PCM1: variants seen among roughly 807,000 people sequenced by gnomAD.
PCM1 encodes the protein pericentriolar material 1.
In PCM1, 157 loss-of-function variants were observed where a neutral mutation model predicts 241.9. That is an observed-to-expected ratio of 0.65 (90% CI 0.57 to 0.74). The LOEUF (loss-of-function observed/expected upper bound fraction) is 0.74, where lower values mean the gene tolerates loss of function less well. PCM1 is among the 30% of genes least tolerant of loss of function. The pLI is 0.00. For missense variants in PCM1, 3,478 were observed against 2,360.1 expected, an observed-to-expected ratio of 1.47 and a Z score of -9.81; for synonymous variants, 1,085 against 784.9, an observed-to-expected ratio of 1.38 and a Z score of -6.39.
In PCM1 at chr8:17,939,752, A is replaced by G. The variant is rs1348083006; in HGVS notation, c.674A>G (p.Asp225Gly). The G allele has an allele frequency of 6.4e-7, 1 of 1,559,142 alleles. No individual in the cohort carries two copies. Among genetic ancestry groups the G allele is most frequent in the Non-Finnish European group, 8.7e-7 (1 of 1,148,028 alleles). The change falls in exon 6 of 39, where the codon GAT (aspartate) becomes GGT (glycine). Residue 225 changes from aspartate to glycine, a missense_variant. Asp to Gly is a moderately conservative substitution (Grantham distance 94, BLOSUM62 -1). Transcript: ENST00000325083. ...YITKASSMRE[D>G]LVEKNERSAN... ...ACTAAAGCTAGTTCCATGCGGGAAG[A>G]TCTTGTAGAGAAAAATGAGAGATCT...
intron 20 of PCM1, among the ~76,000 whole-genome samples, chr8:17,966,719 C>G (rs901605954): frequency 1.3e-5 from 2 of 152,084 alleles, no homozygotes; most frequent in African/African-American, 2.4e-5. Flanking sequence ...GTAAATTGTA[C>G]CACAGTGAAG....
rs769985313 is a variant in PCM1, at chr8:17,938,671, A to G, written c.343-69A>G. 8.1e-5 allele frequency: 91 copies of G among 1,120,988 alleles called. No individual in the cohort carries two copies. In the Admixed American group the frequency reaches 9.8e-4, roughly 12 times the overall value. The allele number at this position is 1,120,988 out of a possible 1,614,324, so 69.4% of individuals were successfully genotyped here. ...AATATCTGATGGCGAAACTAAGAAC[A>G]TTGGGGTTAAAACAAAATTTTGTCA... On this transcript the variant is annotated intron_variant, in intron 4 of 38. Coordinates refer to ENST00000325083, the MANE Select transcript of PCM1 (RefSeq NM_006197.4).
At chr8:17,951,167 G>T (rs1044235927) in intron 8 of PCM1, among the ~76,000 whole-genome samples, 1 of 152,172 alleles carries the variant, frequency 6.6e-6, no homozygotes, top group South Asian at 2.1e-4. Flanking sequence ...TTTTAAGAAA[G>T]TTCTTAATTT....
intron 8 of PCM1, among the ~76,000 whole-genome samples, chr8:17,952,548 TAACAC>T (rs1265246048): frequency 2.0e-5 from 3 of 152,100 alleles, no homozygotes; most frequent in African/African-American, 4.8e-5. Context: ...GGGGGAGAAA[TAACAC>T]AACAATTTTT....
intron 29 of PCM1, among the ~76,000 whole-genome samples, chr8:18,002,052 A>T (rs1393213764): frequency 1.4e-4 from 3 of 21,806 alleles, no homozygotes; most frequent in African/African-American, 4.0e-4. Context: ...AGATCTGTTA[A>T]ATTTTTTTTT....
At chr8:18,005,430 C>G (rs1379032862) in intron 29 of PCM1, among the ~76,000 whole-genome samples, 1 of 150,996 alleles carries the variant, frequency 6.6e-6, no homozygotes, top group Non-Finnish European at 1.5e-5. Context: ...GAGAGGGGAC[C>G]TTGAACATCT....
chr8:17,995,196 C>G (rs1170052441), intron 29 of PCM1, among the ~76,000 whole-genome samples: 1 of 151,342 alleles, frequency 6.6e-6, no homozygotes, highest in Admixed American at 6.6e-5. Flanking sequence ...TTTGATTTGA[C>G]TTTTGTATAT....
chr8:17,966,847 C>A, intron 20 of PCM1, 133 bp from the exon 21 acceptor site: 1 of 766,252 alleles, frequency 1.3e-6, no homozygotes. Flanking sequence ...AGAGCAAGCA[C>A]GTATTTGTTA....
In PCM1 at chr8:17,939,702, G is replaced by A; in HGVS notation, c.624G>A (p.Arg208=). The change falls in exon 6 of 39, where the codon AGG becomes AGA. Residue 208 remains arginine (R), a synonymous_variant. Coordinates refer to ENST00000325083, the MANE Select transcript of PCM1 (RefSeq NM_006197.4). ...TATTTCCCCTGCAGATTGTAAGCAG[G>A]CTTGTTCAAATTCGCGATTATATTA... ...PAMESSQIVS[R]LVQIRDYITK... is the part of the protein sequence containing the mutation. 2.0e-6 allele frequency: 3 copies of A among 1,533,044 alleles called. No homozygotes were observed. Among genetic ancestry groups the A allele is most frequent in the Non-Finnish European group, 2.6e-6 (3 of 1,138,244 alleles). 95.0% of individuals were successfully genotyped at this position (1,533,044 alleles called of 1,614,324 possible).
chr8:17,939,097 G>C (rs1484554636), intron 5 of PCM1, 88 bp downstream of exon 5: 1 of 1,315,742 alleles, frequency 7.6e-7, no homozygotes. Flanking sequence ...ACGCACACAG[G>C]AATTTTAGTT....
chr8:17,978,367 C>T (rs899782602), intron 23 of PCM1, among the ~76,000 whole-genome samples: 4 of 152,036 alleles, frequency 2.6e-5, no homozygotes, highest in African/African-American at 9.7e-5. Context: ...GAACAGCTGG[C>T]TGTTGTCTAG....
chr8:17,934,157 A>G (rs578108698), intron 2 of PCM1, among the ~76,000 whole-genome samples: 3 of 152,148 alleles, frequency 2.0e-5, no homozygotes, highest in Non-Finnish European at 4.4e-5. Flanking sequence ...CTACTTTTTC[A>G]GAGTTGATAA....
intron 29 of PCM1, among the ~76,000 whole-genome samples, chr8:18,005,756 GGGA>G (rs2091113900): frequency 6.6e-6 from 1 of 152,132 alleles, no homozygotes; most frequent in Non-Finnish European, 1.5e-5. Flanking sequence ...AGGTGGTGTA[GGGA>G]GGAGGTGTTA....
Position 17,956,792 on chromosome 8 carries a change from G to T in PCM1, c.1646+15G>T, listed in dbSNP as rs192951738. 1.4e-5 allele frequency: 22 copies of T among 1,592,934 alleles called. No individual in the cohort carries two copies. The highest frequency in any genetic ancestry group is 1.7e-5 in the Admixed American group (1 of 58,412). ...ACTAACATTCGGTAAGAACTTTTCTGGGGATGTTTTTCCAGCATATTCATT... is the reference window on the plus strand; with the variant it reads ...ACTAACATTCGGTAAGAACTTTTCTTGGGATGTTTTTCCAGCATATTCATT... On this transcript the variant is annotated intron_variant, in intron 11 of 38. Coordinates refer to ENST00000325083, the MANE Select transcript of PCM1 (RefSeq NM_006197.4).
At chr8:17,934,522 A>G (rs766034984) in intron 2 of PCM1, among the ~76,000 whole-genome samples, 1 of 152,206 alleles carries the variant, frequency 6.6e-6, no homozygotes, top group Admixed American at 6.5e-5. Context: ...CAGCTTCTCA[A>G]AGTGCTGGGA....
intron 30 of PCM1, among the ~76,000 whole-genome samples, 199 bp downstream of exon 30, chr8:18,006,596 A>G (rs1249429144): frequency 6.6e-6 from 1 of 152,048 alleles, no homozygotes; most frequent in Non-Finnish European, 1.5e-5. Flanking sequence ...TCCTGTTTGT[A>G]TCTTCATTTA....
Position 17,937,193 on chromosome 8 carries a change from T to C in PCM1, c.156T>C (p.Phe52=), listed in dbSNP as rs757854210. ...NRSSEKNKKK[F]GVESDKRVTN... The stretch of plus-strand genomic sequence containing the variant: ...CATCAGAAAAGAATAAGAAAAAGTT[T>C]GGTGTAGAAAGTGATAAAAGAGTAA... The change falls in exon 4 of 39, where the codon TTT becomes TTC. Residue 52 remains phenylalanine, a synonymous_variant. Coordinates refer to ENST00000325083, the MANE Select transcript of PCM1 (RefSeq NM_006197.4). 4 of 1,597,194 alleles carry C rather than the reference T, an allele frequency of 2.5e-6. No homozygotes were observed. Among genetic ancestry groups the C allele is most frequent in the Non-Finnish European group, 2.6e-6 (3 of 1,170,192 alleles).
intron 30 of PCM1, 79 bp from the exon 31 acceptor site, chr8:18,009,468 T>C (rs2092117472): frequency 3.3e-6 from 3 of 910,652 alleles, no homozygotes; most frequent in Non-Finnish European, 5.1e-6. Context: ...AGTTTTAAGT[T>C]TTTCAGTACT....
At chr8:17,985,772 T>C (rs908710937) in intron 25 of PCM1, among the ~76,000 whole-genome samples, 153 bp downstream of exon 25, 2 of 151,798 alleles carry the variant, frequency 1.3e-5, no homozygotes, top group African/African-American at 4.8e-5. Context: ...TTTGTATAGC[T>C]TAAGTAGCAT....
Sources: allele counts gnomAD v4.1 joint callset (sites outside exome capture counted in the v4.1 genomes callset), GRCh38; gene constraint gnomAD v4.1.1; transcripts MANE v1.5; gene names NCBI Gene and HGNC (gene_info 2026-07-23, HGNC 2026-07-21).